Variants in NEDD4 observed in about 807,000 individuals in gnomAD.
The protein encoded by NEDD4 is E3 ubiquitin-protein ligase NEDD4.
A neutral mutation model predicts 144.9 loss-of-function variants in NEDD4; 99 were observed. The observed-to-expected ratio is 0.68, with a 90% CI of 0.58 to 0.81. The LOEUF (loss-of-function observed/expected upper bound fraction) is 0.81. NEDD4 is among the 30% of genes least tolerant of loss of function. The pLI is 0.00. For missense variants in NEDD4, 985 were observed against 1,065.9 expected (o/e 0.92, Z 1.06); for synonymous variants, 318 against 350.6 (o/e 0.91, Z 1.04).
chr15:55,924,669 C>G lies in NEDD4; in HGVS notation c.268G>C (p.Glu90Gln). The G allele has an allele frequency of 1.9e-6, 3 of 1,610,074 alleles. No homozygotes were observed. The Admixed American group carries it at 5.0e-5, about 27-fold the overall frequency. The stretch of plus-strand genomic sequence containing the variant: ...ACCAATCGGTTTTCGTCAAACACTT[C>G]AAAAAGAAGCCGGTGCTGCTGAGGA... ...VHPQQHRLLFEVFDENRLTRD... is the reference protein window; with the variant it reads ...VHPQQHRLLFQVFDENRLTRD... The change falls in exon 5 of 29, where the codon GAA becomes CAA. Residue 90 changes from glutamate to glutamine, a missense_variant. Transcript: ENST00000435532.
chr15:55,926,427 G>A (rs560546974), intron 4 of NEDD4, among the ~76,000 whole-genome samples: 182 of 152,292 alleles, frequency 1.2e-3, no homozygotes, highest in African/African-American at 4.1e-3. Context: ...TGGAGTAACT[G>A]AGGATAGACA....
chr15:55,881,620 C>T (rs771785560), intron 5 of NEDD4, among the ~76,000 whole-genome samples: 4 of 151,876 alleles, frequency 2.6e-5, no homozygotes, highest in Non-Finnish European at 4.4e-5. Context: ...TAGGTTTAGG[C>T]TTAATCAGAT....
At chr15:55,841,647 A>C (rs2033507370) in intron 19 of NEDD4, among the ~76,000 whole-genome samples, 1 of 151,980 alleles carries the variant, frequency 6.6e-6, no homozygotes, top group Admixed American at 6.5e-5. Flanking sequence ...CAGTGGCGTG[A>C]TCTCGGCTCC....
At chr15:55,901,739 T>A (rs1566941214) in intron 5 of NEDD4, among the ~76,000 whole-genome samples, 2 of 152,124 alleles carry the variant, frequency 1.3e-5, no homozygotes, top group Non-Finnish European at 2.9e-5. Context: ...TTTGTACATA[T>A]AAAAAACAAT....
intron 18 of NEDD4, among the ~76,000 whole-genome samples, chr15:55,844,272 C>T: frequency 6.6e-6 from 1 of 152,042 alleles, no homozygotes; most frequent in South Asian, 2.1e-4. Flanking sequence ...AGTGTGAATG[C>T]AGTTAAGAAG....
chr15:55,936,287 C>T (rs1280628318), intron 4 of NEDD4, among the ~76,000 whole-genome samples: 2 of 152,002 alleles, frequency 1.3e-5, no homozygotes, highest in South Asian at 2.1e-4. Context: ...CAGTAAGTTT[C>T]ATTGAGGGTA....
At chr15:55,948,169 A>G (rs1416160029) in intron 4 of NEDD4, among the ~76,000 whole-genome samples, 1 of 152,226 alleles carries the variant, frequency 6.6e-6, no homozygotes, top group East Asian at 1.9e-4. Flanking sequence ...AGACAAACAG[A>G]GAGCCAAATC....
In NEDD4 at chr15:55,856,141, G is replaced by A. The variant is rs768212499; in HGVS notation, c.1016C>T (p.Thr339Ile). 7.4e-6 allele frequency: 12 copies of A among 1,612,614 alleles called. No individual in the cohort carries two copies. Among genetic ancestry groups the A allele is most frequent in the Admixed American group, 1.7e-5 (1 of 59,892 alleles). ...LQAYTFEEQPTLPVLLPTSSG... is the reference protein window; with the variant it reads ...LQAYTFEEQPILPVLLPTSSG... ...GAGGGTAAAACTCACCACAGGAAGT[G>A]TAGGTTGTTCCTCAAAAGTATAGGC... Residue 339 changes from threonine (T) to isoleucine (I), a missense_variant, in exon 12 of 29, where the codon ACA (threonine) becomes ATA (isoleucine). Physicochemically the swap from Thr to Ile is moderately conservative, Grantham distance 89. Coordinates refer to ENST00000435532, the MANE Select transcript of NEDD4 (RefSeq NM_006154.4).
intron 4 of NEDD4, 34 bp from the exon 5 acceptor site, chr15:55,924,733 T>A (rs998199954): frequency 6.3e-6 from 10 of 1,577,852 alleles, no homozygotes; most frequent in Non-Finnish European, 7.8e-6. Flanking sequence ...TAAAAACAAG[T>A]AAACATCAAC....
intron 1 of NEDD4, among the ~76,000 whole-genome samples, chr15:55,971,609 G>A (rs367845994): frequency 5.6e-5 from 8 of 142,764 alleles, no homozygotes; most frequent in Admixed American, 1.5e-4. Flanking sequence ...TGGGCAACAC[G>A]GTGAGACTCT....
intron 5 of NEDD4, among the ~76,000 whole-genome samples, chr15:55,879,479 A>G (rs2035107666): frequency 6.6e-6 from 1 of 152,274 alleles, no homozygotes. Context: ...ACTAGTCAGT[A>G]GATGCCCATG....
At chr15:55,888,623 C>T (rs554606795) in intron 5 of NEDD4, among the ~76,000 whole-genome samples, 14 of 152,070 alleles carry the variant, frequency 9.2e-5, no homozygotes, top group Non-Finnish European at 1.8e-4. Context: ...TATGTGGAAC[C>T]ACAAAATACC....
chr15:55,984,265 C>T (rs2036743), intron 1 of NEDD4, among the ~76,000 whole-genome samples: 22,986 of 152,082 alleles, frequency 0.15, 3,251 homozygotes, highest in East Asian at 0.44. Flanking sequence ...ATTTTATTTG[C>T]GTATTAGTAG....
At position 55,856,626 on chromosome 15, in the gene NEDD4, C is replaced by A. The variant is rs566651902; in HGVS notation, c.961-430G>T. On this transcript the variant is annotated intron_variant, in intron 11 of 28. Coordinates refer to ENST00000435532, the MANE Select transcript of NEDD4 (RefSeq NM_006154.4). ...GCTGCACGCTGCAGGCTCAGAGCAT[C>A]CTGCAATGCACAGCCAGTCCTGTCC... Among the ~76,000 whole-genome samples the A allele has an allele frequency of 2.6e-5, 4 of 152,300 alleles. No homozygotes were observed. In the South Asian group the frequency reaches 8.3e-4, roughly 32 times the overall value.
Position 55,840,237 on chromosome 15 carries a change from G to A in NEDD4, c.2031+210C>T, listed in dbSNP as rs535964943. Reference sequence around the variant, plus strand: ...AAATCTAGAAAAAAAGCAATTGTGAGTAGTTGATATACAACTGTCCAATGT... The same window carrying A: ...AAATCTAGAAAAAAAGCAATTGTGAATAGTTGATATACAACTGTCCAATGT... On this transcript the variant is annotated intron_variant, in intron 21 of 28. Coordinates refer to ENST00000435532, the MANE Select transcript of NEDD4 (RefSeq NM_006154.4). Among the ~76,000 whole-genome samples, 9 of 151,474 alleles carry A rather than the reference G, an allele frequency of 5.9e-5. No homozygotes were observed. The South Asian group carries it at 1.2e-3, about 21-fold the overall frequency.
chr15:55,840,352 T>G, intron 21 of NEDD4, 95 bp downstream of exon 21: 1 of 1,035,774 alleles, frequency 9.7e-7, no homozygotes, highest in South Asian at 1.7e-5. Context: ...CATGATAATA[T>G]ATTAATTTCC....
At chr15:55,919,616 C>T (rs2036531828) in intron 5 of NEDD4, among the ~76,000 whole-genome samples, 1 of 152,172 alleles carries the variant, frequency 6.6e-6, no homozygotes, top group Non-Finnish European at 1.5e-5. Context: ...GAGTGTTAAT[C>T]CTAACCTTAA....
chr15:55,839,546 A>C (rs1438452443), intron 21 of NEDD4, among the ~76,000 whole-genome samples: 2 of 152,212 alleles, frequency 1.3e-5, no homozygotes, highest in African/African-American at 4.8e-5. Context: ...CCTGGAATTC[A>C]TGTGAACACA....
chr15:55,983,516 C>G (rs2037840430), intron 1 of NEDD4, among the ~76,000 whole-genome samples: 1 of 152,116 alleles, frequency 6.6e-6, no homozygotes, highest in Non-Finnish European at 1.5e-5. Context: ...TATTGCCCCA[C>G]TCTTCACCTG....
Sources: gnomAD v4.1 joint callset for allele counts (sites outside exome capture counted in the v4.1 genomes callset) on GRCh38, gnomAD v4.1.1 for gene constraint, MANE v1.5 for transcripts, NCBI Gene and HGNC (gene_info 2026-07-23, HGNC 2026-07-21) for gene names.